Variants in RHOBTB2 observed in about 807,000 individuals in gnomAD.
The protein encoded by RHOBTB2 is Rho related BTB domain containing 2.
In RHOBTB2, 39 loss-of-function variants were observed where a neutral mutation model predicts 66.5. The observed-to-expected ratio is 0.59, with a 90% CI of 0.45 to 0.77. The LOEUF (loss-of-function observed/expected upper bound fraction) is 0.77. RHOBTB2 is among the 30% of genes least tolerant of loss of function. RHOBTB2 has a pLI of 0.00. For missense variants in RHOBTB2, 755 were observed against 999.1 expected (o/e 0.76, Z 3.29); for synonymous variants, 390 against 395.0 (o/e 0.99, Z 0.15).
chr8:22,977,001 T>A, the RHOBTB2 span, among the ~76,000 whole-genome samples: 1 of 151,482 alleles, frequency 6.6e-6, no homozygotes, highest in Non-Finnish European at 1.5e-5. Context: ...ATGCCTGCCA[T>A]CCCAGCTACT....
At chr8:23,015,580 T>C in intron 8 of RHOBTB2, 58 bp from the exon 9 acceptor site, 3 of 1,235,030 alleles carry the variant, frequency 2.4e-6, no homozygotes, top group Non-Finnish European at 3.5e-6. Context: ...TGGAGGTGTC[T>C]ATGCAGACCC....
chr8:23,004,312 C>T lies in RHOBTB2; in HGVS notation c.-10-113C>T. 2.3e-6 allele frequency: 2 copies of T among 882,640 alleles called. No homozygotes were observed. Among genetic ancestry groups the T allele is most frequent in the Non-Finnish European group, 3.7e-6 (2 of 546,984 alleles). 54.7% of individuals were successfully genotyped at this position (882,640 alleles called of 1,614,324 possible). A position where few individuals can be genotyped will look rare whatever the true frequency, so the allele number is the denominator to read the frequency against. ...GCCCACTCCTTCCTCCTCCTGTCAGCTCCGGGGCTTGCAGAGGGGGCAGCC... is the reference window on the plus strand; with the variant it reads ...GCCCACTCCTTCCTCCTCCTGTCAGTTCCGGGGCTTGCAGAGGGGGCAGCC... On this transcript the variant is annotated intron_variant, in intron 1 of 9. Transcript: ENST00000251822. This position sits in a 1 kb window ranked among gnomAD's most constrained non-coding sequence, Gnocchi z 6.4.
rs909105303 is a variant in RHOBTB2, at chr8:23,007,525, G to A, written c.1280G>A (p.Arg427Gln). 14 of 1,614,002 alleles carry A rather than the reference G, an allele frequency of 8.7e-6. No homozygotes were observed. The highest frequency in any genetic ancestry group is 2.2e-5 in the East Asian group (1 of 44,878). ...AGTTCCATCCAGCCGGGGCCCTTCC[G>A]GGCTGTCCTCAAGTACCTGTACACG... ...MDSSIQPGPF[R>Q]AVLKYLYTGE... is the part of the protein sequence containing the mutation. Residue 427 changes from arginine to glutamine, a missense_variant, in exon 5 of 10, where the codon CGG becomes CAG. This residue lies in a region of RHOBTB2 where 353 missense variants were observed against 458.2 expected (regional missense o/e 0.77). Transcript: ENST00000251822.
upstream of RHOBTB2, among the ~76,000 whole-genome samples, chr8:22,997,835 T>G (rs78912406): frequency 0.052 from 7,945 of 152,184 alleles, 668 homozygotes; most frequent in African/African-American, 0.18. Flanking sequence ...CATGCAGAGA[T>G]CTCAAGTTAT....
the RHOBTB2 span, among the ~76,000 whole-genome samples, chr8:22,979,729 TTTTCTTTTC>T: frequency 9.2e-5 from 13 of 141,610 alleles, no homozygotes; most frequent in African/African-American, 2.3e-4. Flanking sequence ...TTTTCTTTTC[TTTTCTTTTC>T]TTTCTTTTTT....
the RHOBTB2 span, among the ~76,000 whole-genome samples, chr8:22,954,595 T>C: frequency 6.6e-5 from 10 of 152,300 alleles, no homozygotes; most frequent in East Asian, 1.7e-3. Context: ...GTTGAGACAA[T>C]TGGATTCACT....
At chr8:23,010,034 T>A (rs1443948721) in intron 6 of RHOBTB2, among the ~76,000 whole-genome samples, 1 of 152,146 alleles carries the variant, frequency 6.6e-6, no homozygotes, top group Non-Finnish European at 1.5e-5. Context: ...CCCACTTCTG[T>A]TCTGTGCAGG....
In RHOBTB2 at chr8:23,017,149, C is replaced by A. The variant is rs1447987219; in HGVS notation, c.1967-103C>A. On this transcript the variant is annotated intron_variant, in intron 9 of 9. Transcript: ENST00000251822. The surrounding 1 kb of genome is among the most constrained non-coding windows in gnomAD (Gnocchi z 5.3). ...TCATGGGGATGTGCTGGGGGCTGGG[C>A]TGGAGGCCTGCTGCAGGCCTTGTGG... 4.1e-6 allele frequency: 6 copies of A among 1,463,726 alleles called. No homozygotes were observed. The African/African-American group carries it at 4.2e-5, about 10-fold the overall frequency. The allele number at this position is 1,463,726 out of a possible 1,614,324, so 90.7% of individuals were successfully genotyped here.
chr8:23,011,241 G>A (rs1164818562), intron 7 of RHOBTB2, among the ~76,000 whole-genome samples: 8 of 152,178 alleles, frequency 5.3e-5, no homozygotes, highest in Non-Finnish European at 8.8e-5. Context: ...GTGACAGAGT[G>A]AAACTGTGTC....
the RHOBTB2 span, among the ~76,000 whole-genome samples, chr8:22,981,723 A>C: frequency 5.3e-5 from 8 of 152,244 alleles, no homozygotes; most frequent in South Asian, 2.1e-4. Context: ...CCTGCCCCTG[A>C]AGCAACTCAG....
chr8:22,967,398 C>T, the RHOBTB2 span, among the ~76,000 whole-genome samples: 1 of 152,050 alleles, frequency 6.6e-6, no homozygotes, highest in African/African-American at 2.4e-5. Flanking sequence ...CACCTGAGGT[C>T]AGGAGTTCAA....
At chr8:23,007,894 C>G in intron 5 of RHOBTB2, 99 bp from the exon 6 acceptor site, 1 of 1,488,142 alleles carries the variant, frequency 6.7e-7, no homozygotes, top group Non-Finnish European at 9.3e-7. Context: ...GTTCCGTGCC[C>G]CGAATCTTCT....
chr8:22,952,704 C>T, the RHOBTB2 span, among the ~76,000 whole-genome samples: 3 of 152,064 alleles, frequency 2.0e-5, no homozygotes, highest in Non-Finnish European at 4.4e-5. Context: ...TCAGGAGTTC[C>T]AGACCAGCCT....
the RHOBTB2 span, among the ~76,000 whole-genome samples, chr8:22,954,152 T>C: frequency 6.6e-6 from 1 of 152,196 alleles, no homozygotes; most frequent in South Asian, 2.1e-4. Flanking sequence ...TAACTCACCA[T>C]TAATGAGGGA....
the RHOBTB2 span, among the ~76,000 whole-genome samples, chr8:22,961,952 GA>G: frequency 7.9e-5 from 12 of 151,046 alleles, no homozygotes; most frequent in African/African-American, 1.7e-4. Context: ...TGATACATTT[GA>G]AAAAAAATAG....
intron 3 of RHOBTB2, among the ~76,000 whole-genome samples, chr8:23,005,739 A>G (rs1810928627): frequency 6.6e-6 from 1 of 152,150 alleles, no homozygotes; most frequent in South Asian, 2.1e-4. Flanking sequence ...GAAAACAGCC[A>G]TTTCTAACTC....
Position 23,007,265 on chromosome 8 carries a change from C to T in RHOBTB2, c.1020C>T (p.Leu340=). The T allele has an allele frequency of 6.2e-7, 1 of 1,613,052 alleles. No homozygotes were observed. The highest frequency in any genetic ancestry group is 8.5e-7 in the Non-Finnish European group (1 of 1,179,968). ...ACCACCATGGGCGAGACTTCCTGCTCCGAGCAGCCAGCTTTGACGTGTGCG... is the reference window on the plus strand; with the variant it reads ...ACCACCATGGGCGAGACTTCCTGCTTCGAGCAGCCAGCTTTGACGTGTGCG... The part of the protein sequence containing the change: ...HHHHHGRDFL[L]RAASFDVCES... The change falls in exon 5 of 10, where the codon CTC becomes CTT. Residue 340 remains leucine (L), a synonymous_variant. Coordinates refer to ENST00000251822, the MANE Select transcript of RHOBTB2 (RefSeq NM_015178.3).
chr8:23,010,587 A>G lies in RHOBTB2; in HGVS notation c.1670A>G (p.Tyr557Cys). The G allele has an allele frequency of 6.2e-7, 1 of 1,613,962 alleles. No individual in the cohort carries two copies. The highest frequency in any genetic ancestry group is 8.5e-7 in the Non-Finnish European group (1 of 1,179,958). The change falls in exon 7 of 10, where the codon TAC becomes TGC. Residue 557 changes from tyrosine (Y) to cysteine (C), a missense_variant. Tyr to Cys is a radical substitution (Grantham distance 194). This residue lies in a region of RHOBTB2 where 353 missense variants were observed against 458.2 expected (regional missense o/e 0.77). Coordinates refer to ENST00000251822, the MANE Select transcript of RHOBTB2 (RefSeq NM_015178.3). ...AGCTGCATGCGGGCCGTGCTGGAAT[A>G]CCTCTACACCGGCATGTTCACCTCC... ...SKSCMRAVLE[Y>C]LYTGMFTSSP...
the RHOBTB2 span, among the ~76,000 whole-genome samples, chr8:22,974,060 G>A: frequency 6.6e-6 from 1 of 152,142 alleles, no homozygotes. Context: ...GCTCCTCAAG[G>A]GATGCTCTGA....
Sources: allele counts gnomAD v4.1 joint callset (sites outside exome capture counted in the v4.1 genomes callset), GRCh38; gene constraint gnomAD v4.1.1; regional missense constraint gnomAD v4.1.1; non-coding constraint Gnocchi (gnomAD v3.1); transcripts MANE v1.5; gene names NCBI Gene and HGNC (gene_info 2026-07-23, HGNC 2026-07-21).